The following SDK1 variants were observed in gnomAD, a reference collection of about 807,000 sequenced individuals.
SDK1 encodes the protein sidekick cell adhesion molecule 1.
A neutral mutation model predicts 245.5 loss-of-function variants in SDK1; 157 were observed. The ratio of observed to expected loss-of-function variants is 0.64; its 90% CI spans 0.56 to 0.73. The LOEUF is 0.73. Ranked by LOEUF, SDK1 falls within the 30% of genes least tolerant of loss-of-function variation. SDK1 has a pLI of 0.00. For synonymous variants in SDK1, 1,647 were observed against 1,278.5 expected (o/e 1.29, Z -6.15); for missense variants, 3,583 against 3,002.3 (o/e 1.19, Z -4.52).
rs572617023 is a variant in SDK1 at position 3,923,568 on chromosome 7, G to A, written c.848-27355G>A. 2.0e-4 allele frequency among the ~76,000 whole-genome samples: 31 copies of A among 152,320 alleles called. No homozygotes were observed. The South Asian group carries it at 3.3e-3, about 16-fold the overall frequency. The stretch of plus-strand genomic sequence containing the variant: ...CCTGCCAGAAATGCCCGGTCCAGAG[G>A]CACCAGCTCAGAAACTCTGGTATGG... On this transcript the variant is annotated intron_variant, in intron 5 of 44. Transcript: ENST00000404826.
intron 22 of SDK1, 97 bp downstream of exon 22, chr7:4,079,681 G>A (rs981554720): frequency 4.8e-5 from 73 of 1,517,648 alleles, no homozygotes; most frequent in South Asian, 3.6e-4. Context: ...TTGGGGTGTC[G>A]GGGAGATGGG....
chr7:3,483,820 G>A (rs1002611078), intron 1 of SDK1, among the ~76,000 whole-genome samples: 1 of 152,008 alleles, frequency 6.6e-6, no homozygotes, highest in African/African-American at 2.4e-5. Context: ...AAATTCATTG[G>A]AACATTTCTT....
intron 13 of SDK1, among the ~76,000 whole-genome samples, chr7:3,986,047 C>T (rs538973423): frequency 6.6e-6 from 1 of 152,144 alleles, no homozygotes; most frequent in Admixed American, 6.5e-5. Flanking sequence ...CCAGGACAGC[C>T]CCGGAACAGG....
At chr7:3,721,473 A>G (rs961075706) in intron 4 of SDK1, among the ~76,000 whole-genome samples, 1 of 152,238 alleles carries the variant, frequency 6.6e-6, no homozygotes, top group Non-Finnish European at 1.5e-5. Flanking sequence ...AATATGAATG[A>G]GAGAACATCA....
intron 30 of SDK1, among the ~76,000 whole-genome samples, chr7:4,157,326 T>G (rs1197042716): frequency 1.8e-3 from 218 of 120,304 alleles, no homozygotes; most frequent in South Asian, 2.4e-3. Context: ...GGACGGGAGG[T>G]GGAAGGGAGA....
intron 20 of SDK1, among the ~76,000 whole-genome samples, chr7:4,072,223 C>T (rs1219557304): frequency 2.0e-5 from 3 of 152,186 alleles, no homozygotes; most frequent in African/African-American, 7.2e-5. Flanking sequence ...TAGCCAGAGG[C>T]CTGGGTTTGG....
intron 2 of SDK1, among the ~76,000 whole-genome samples, chr7:3,625,404 C>G (rs985025276): frequency 3.3e-5 from 5 of 152,190 alleles, no homozygotes; most frequent in African/African-American, 7.2e-5. Flanking sequence ...TCAGACAGTT[C>G]TGTCTCTAAT....
At chr7:4,074,031 TG>T (rs1473736363) in intron 20 of SDK1, among the ~76,000 whole-genome samples, 3 of 151,998 alleles carry the variant, frequency 2.0e-5, no homozygotes, top group South Asian at 2.1e-4. Context: ...GGGCCGTAGG[TG>T]TTTTTTTAGG....
chr7:4,012,226 A>G lies in SDK1; in HGVS notation c.2411A>G (p.Tyr804Cys). Residue 804 changes from tyrosine to cysteine, a missense_variant, in exon 16 of 45, where the codon TAC becomes TGC. Physicochemically the swap from Tyr to Cys is radical, Grantham distance 194. Transcript: ENST00000404826. Reference protein sequence around the residue: ...ETEHNGVLRGYILRYRLAGLP... With the variant: ...ETEHNGVLRGCILRYRLAGLP... ...GAGCACAACGGGGTGTTGCGTGGAT[A>G]CATCCTCAGGCAAGTGCCCTGTGAT... 1 of 1,516,978 alleles carries G rather than the reference A, an allele frequency of 6.6e-7. No individual in the cohort carries two copies. The highest frequency in any genetic ancestry group is 8.8e-7 in the Non-Finnish European group (1 of 1,134,966). The allele number at this position is 1,516,978 out of a possible 1,614,324, so 94.0% of individuals were successfully genotyped here.
At chr7:3,803,893 T>C (rs1779174032) in intron 4 of SDK1, among the ~76,000 whole-genome samples, 1 of 151,878 alleles carries the variant, frequency 6.6e-6, no homozygotes, top group Non-Finnish European at 1.5e-5. Context: ...GCCTCCTGAG[T>C]AGCTGGGACT....
intron 1 of SDK1, among the ~76,000 whole-genome samples, chr7:3,458,540 T>C (rs1780736793): frequency 6.6e-6 from 1 of 152,090 alleles, no homozygotes; most frequent in Admixed American, 6.6e-5. Flanking sequence ...TTTTTTTTTT[T>C]GTACTTTTTT....
intron 5 of SDK1, among the ~76,000 whole-genome samples, chr7:3,941,900 C>A (rs539313776): frequency 1.4e-5 from 2 of 146,046 alleles, no homozygotes; most frequent in African/African-American, 2.6e-5. Context: ...TTGGACAAGA[C>A]TTCATTCTTT....
At chr7:3,328,777 T>C (rs1779996083) in intron 1 of SDK1, among the ~76,000 whole-genome samples, 1 of 152,184 alleles carries the variant, frequency 6.6e-6, no homozygotes, top group African/African-American at 2.4e-5. Flanking sequence ...TTTTAGTGAC[T>C]GAAGTATTCC....
At position 4,104,777 on chromosome 7, in the gene SDK1, A is replaced by G. The variant is rs573953989; in HGVS notation, c.3325-5886A>G. On this transcript the variant is annotated intron_variant, in intron 22 of 44. Coordinates refer to ENST00000404826, the MANE Select transcript of SDK1 (RefSeq NM_152744.4). ...GGAGTGCAGTGGTGTGATCATAGCT[A>G]CTGCAGCCTTGACATCCTGGGCGCT... Among the ~76,000 whole-genome samples the G allele has an allele frequency of 3.3e-5, 5 of 151,760 alleles. No individual in the cohort carries two copies. In the South Asian group the frequency reaches 8.3e-4, roughly 25 times the overall value.
chr7:3,643,172 G>A (rs112131445), intron 4 of SDK1: 4,696 of 149,310 alleles, frequency 0.031, 236 homozygotes, highest in African/African-American at 0.11. Context: ...GAGCATCTGT[G>A]GAATCCCTTC....
At chr7:4,141,331 C>G (rs575295508) in intron 28 of SDK1, among the ~76,000 whole-genome samples, 1 of 152,182 alleles carries the variant, frequency 6.6e-6, no homozygotes, top group East Asian at 1.9e-4. Flanking sequence ...CCCACATAAT[C>G]CCCAAATCCT....
chr7:3,819,081 A>T (rs902550330), intron 4 of SDK1, among the ~76,000 whole-genome samples: 1 of 152,186 alleles, frequency 6.6e-6, no homozygotes. Flanking sequence ...ATGGTTTTGG[A>T]TGTTTTATTT....
rs560196765 is a variant in SDK1 at position 3,774,046 on chromosome 7, C to T, written c.714-47404C>T. Among the ~76,000 whole-genome samples the T allele has an allele frequency of 2.0e-5, 3 of 151,990 alleles. No homozygotes were observed. In the South Asian group the frequency reaches 6.3e-4, roughly 32 times the overall value. Reference sequence around the variant, plus strand: ...TGGCTAACATGGTGAAACCCTGTCTCTACTAAAAATACAAAAAAATTAGCC... The same window carrying T: ...TGGCTAACATGGTGAAACCCTGTCTTTACTAAAAATACAAAAAAATTAGCC... On this transcript the variant is annotated intron_variant, in intron 4 of 44. Transcript: ENST00000404826.
At chr7:3,772,218 A>T (rs1780424395) in intron 4 of SDK1, among the ~76,000 whole-genome samples, 1 of 148,916 alleles carries the variant, frequency 6.7e-6, no homozygotes. Flanking sequence ...TGTTTAGTTG[A>T]TTTTGTGTAG....
Sources: allele counts gnomAD v4.1 joint callset (sites outside exome capture counted in the v4.1 genomes callset), GRCh38; gene constraint gnomAD v4.1.1; transcripts MANE v1.5; gene names NCBI Gene and HGNC (gene_info 2026-07-23, HGNC 2026-07-21).